ROBO2: variants seen among roughly 807,000 people sequenced by gnomAD.
ROBO2 encodes the protein roundabout homolog 2.
A neutral mutation model predicts 160.8 loss-of-function variants in ROBO2; 53 were observed. That is an observed-to-expected ratio of 0.33 (90% CI 0.26 to 0.41). ROBO2 has a LOEUF of 0.41. ROBO2 is among the 10% of genes least tolerant of loss of function. The pLI is 1.00. For missense variants in ROBO2, 1,577 were observed against 1,722.4 expected, an observed-to-expected ratio of 0.92 and a Z score of 1.49; for synonymous variants, 664 against 611.7, an observed-to-expected ratio of 1.09 and a Z score of -1.26.
intron 2 of ROBO2, among the ~76,000 whole-genome samples, chr3:77,291,300 G>A (rs1200010572): frequency 6.6e-6 from 1 of 151,914 alleles, no homozygotes; most frequent in Non-Finnish European, 1.5e-5. Flanking sequence ...AAGCAAAATT[G>A]ACGGTTAACC....
At chr3:76,964,329 T>TTTTTG (rs561269954) in intron 2 of ROBO2, among the ~76,000 whole-genome samples, 27 of 152,154 alleles carry the variant, frequency 1.8e-4, no homozygotes, top group African/African-American at 4.3e-4. Context: ...ACTCCTTTTG[T>TTTTTG]TTTTGTTTTG....
intron 25 of ROBO2, among the ~76,000 whole-genome samples, chr3:77,645,781 G>A (rs1314249290): frequency 6.6e-6 from 1 of 152,036 alleles, no homozygotes; most frequent in Admixed American, 6.5e-5. Context: ...ATAACTACTT[G>A]AATTTTTCTT....
At chr3:76,993,957 C>A (rs987650877) in intron 2 of ROBO2, among the ~76,000 whole-genome samples, 4 of 151,602 alleles carry the variant, frequency 2.6e-5, no homozygotes, top group Admixed American at 2.6e-4. Flanking sequence ...CATCAGTTAC[C>A]ATTACTGAAA....
chr3:76,772,488 C>A (rs1379020067), intron 2 of ROBO2, among the ~76,000 whole-genome samples: 1 of 146,852 alleles, frequency 6.8e-6, no homozygotes, highest in Non-Finnish European at 1.5e-5. Context: ...CTTCTCTCCC[C>A]ACCCCTGACA....
chr3:77,361,572 G>A (rs1384954765), intron 2 of ROBO2, among the ~76,000 whole-genome samples: 1 of 152,106 alleles, frequency 6.6e-6, no homozygotes, highest in South Asian at 2.1e-4. Context: ...AGCAGATTCA[G>A]TGTCTGGTGA....
intron 2 of ROBO2, among the ~76,000 whole-genome samples, chr3:77,228,438 C>CT (rs943076843): frequency 7.9e-5 from 12 of 151,082 alleles, no homozygotes; most frequent in Admixed American, 2.6e-4. Flanking sequence ...CACACACACC[C>CT]TTTTTTTTTA....
intron 2 of ROBO2, among the ~76,000 whole-genome samples, chr3:76,454,156 A>G (rs1263692712): frequency 2.6e-5 from 4 of 152,160 alleles, no homozygotes; most frequent in Non-Finnish European, 5.9e-5. Flanking sequence ...TACTTATTGG[A>G]TCAAATCCTG....
chr3:77,117,141 G>A (rs1447798033), intron 2 of ROBO2, among the ~76,000 whole-genome samples: 2 of 152,090 alleles, frequency 1.3e-5, no homozygotes, highest in Non-Finnish European at 1.5e-5. Flanking sequence ...ATGCTTTGTT[G>A]ATTTTTGTGA....
At chr3:76,938,971 C>CAAAAAAAAAAAAAAAAA (rs71629626) in intron 2 of ROBO2, among the ~76,000 whole-genome samples, 51 of 114,596 alleles carry the variant, frequency 4.5e-4, no homozygotes, top group African/African-American at 1.5e-3. Context: ...AACTCAGTCT[C>CAAAAAAAAAAAAAAAAA]AAAAAAAAAA....
chr3:76,625,068 G>A (rs1286210848), intron 2 of ROBO2, among the ~76,000 whole-genome samples: 2 of 151,706 alleles, frequency 1.3e-5, no homozygotes, highest in African/African-American at 2.4e-5. Flanking sequence ...CCATCTCCTC[G>A]CCTCATTTTT....
At chr3:77,486,468 T>C (rs2085365296) in intron 4 of ROBO2, among the ~76,000 whole-genome samples, 2 of 152,204 alleles carry the variant, frequency 1.3e-5, no homozygotes, top group Non-Finnish European at 2.9e-5. Flanking sequence ...CTGACTGGCA[T>C]GAGATGGTAT....
intron 2 of ROBO2, among the ~76,000 whole-genome samples, chr3:76,938,287 G>T (rs1210789320): frequency 6.6e-6 from 1 of 151,976 alleles, no homozygotes; most frequent in Non-Finnish European, 1.5e-5. Context: ...CCGGGAGGCG[G>T]ACGCTGCAGT....
intron 2 of ROBO2, among the ~76,000 whole-genome samples, chr3:76,665,426 G>T (rs1425946662): frequency 6.6e-6 from 1 of 151,850 alleles, no homozygotes; most frequent in Admixed American, 6.6e-5. Flanking sequence ...GATGTCAAAT[G>T]TTGCACCCAC....
At chr3:76,173,885 G>A (rs1011648661) in intron 2 of ROBO2, among the ~76,000 whole-genome samples, 2 of 152,086 alleles carry the variant, frequency 1.3e-5, no homozygotes, top group African/African-American at 2.4e-5. Flanking sequence ...ACCCAGTAAC[G>A]GGATTGCTGG....
rs562512154 is a variant in ROBO2 at position 76,983,318 on chromosome 3, T to C, written c.110-114696T>C. On this transcript the variant is annotated intron_variant, in intron 2 of 26. Transcript: ENST00000487694. ...AAAATTATAAAGTGTACATATTTAATATTTAGAAAAGAAAATAAGCACTAC... is the reference window on the plus strand; with the variant it reads ...AAAATTATAAAGTGTACATATTTAACATTTAGAAAAGAAAATAAGCACTAC... Among the ~76,000 whole-genome samples the C allele has an allele frequency of 2.0e-5, 3 of 152,290 alleles. No individual in the cohort carries two copies. The South Asian group carries it at 6.2e-4, about 32-fold the overall frequency.
chr3:77,600,907 G>T (rs2094417117), intron 19 of ROBO2, among the ~76,000 whole-genome samples: 1 of 152,030 alleles, frequency 6.6e-6, no homozygotes, highest in Non-Finnish European at 1.5e-5. Flanking sequence ...GGTGAAATAT[G>T]ATAAGTTAAA....
chr3:76,267,346 T>C (rs1289481215), intron 2 of ROBO2, among the ~76,000 whole-genome samples: 2 of 152,210 alleles, frequency 1.3e-5, no homozygotes, highest in Non-Finnish European at 2.9e-5. Flanking sequence ...AATGCCCTGC[T>C]AGACTTTTAT....
intron 2 of ROBO2, among the ~76,000 whole-genome samples, chr3:77,167,114 G>A (rs1428011840): frequency 6.6e-6 from 1 of 152,098 alleles, no homozygotes; most frequent in African/African-American, 2.4e-5. Flanking sequence ...AAGCCTGTTA[G>A]CCCCTTTAGA....
chr3:76,836,461 T>TA (rs1193367458), intron 2 of ROBO2, among the ~76,000 whole-genome samples: 2 of 151,260 alleles, frequency 1.3e-5, no homozygotes, highest in East Asian at 3.9e-4. Flanking sequence ...ATTCTTGAAT[T>TA]AAAAAAAGAC....
Sources: allele counts gnomAD v4.1 joint callset (sites outside exome capture counted in the v4.1 genomes callset), GRCh38; gene constraint gnomAD v4.1.1; transcripts MANE v1.5; gene names NCBI Gene and HGNC (gene_info 2026-07-23, HGNC 2026-07-21).